FAM184B: variants seen among roughly 807,000 people sequenced by gnomAD.
FAM184B encodes the protein family with sequence similarity 184 member B, also known as protein FAM184B.
FAM184B carries 111 observed loss-of-function variants against 135.9 expected under a neutral mutation model. The ratio of observed to expected loss-of-function variants is 0.82; its 90% CI spans 0.70 to 0.96. The LOEUF (loss-of-function observed/expected upper bound fraction) is 0.96, where lower values mean the gene tolerates loss of function less well. FAM184B is among the 40% of genes least tolerant of loss of function. The probability of loss-of-function intolerance (pLI) is 0.00; values close to 1 mark genes in which losing one functional copy is unlikely to be tolerated. For synonymous variants in FAM184B, 552 were observed against 524.8 expected (o/e 1.05, Z -0.71); for missense variants, 1,375 against 1,323.9 (o/e 1.04, Z -0.60).
chr4:17,689,203 C>A (rs754121745), intron 6 of FAM184B, among the ~76,000 whole-genome samples: 1 of 152,130 alleles, frequency 6.6e-6, no homozygotes, highest in Non-Finnish European at 1.5e-5. Flanking sequence ...AAATGAACAA[C>A]ATTTAAGAAT....
Position 17,642,106 on chromosome 4 carries a change from C to G in FAM184B, c.2469G>C (p.Ala823=). Residue 823 remains alanine (A), a synonymous_variant, in exon 13 of 18, where the codon GCG becomes GCC. Transcript: ENST00000265018. ...QLQDAVRRLR[A]EVEQHQQEAQ... ...CCTCCTGCTGATGCTGCTCCACCTC[C>G]GCGCGCAGCCGCCGCACCGCGTCCT... 2 of 1,532,794 alleles carry G rather than the reference C, an allele frequency of 1.3e-6. No homozygotes were observed. Among genetic ancestry groups the G allele is most frequent in the Non-Finnish European group, 1.7e-6 (2 of 1,145,286 alleles). 94.9% of individuals were successfully genotyped at this position (1,532,794 alleles called of 1,614,324 possible).
chr4:17,724,700 C>A (rs563230666), intron 1 of FAM184B, among the ~76,000 whole-genome samples: 1 of 152,198 alleles, frequency 6.6e-6, no homozygotes, highest in East Asian at 1.9e-4. Flanking sequence ...AGGCACTCTG[C>A]GCTTGCAGAA....
intron 1 of FAM184B, among the ~76,000 whole-genome samples, chr4:17,763,365 C>T (rs1472124181): frequency 6.6e-6 from 1 of 151,988 alleles, no homozygotes; most frequent in African/African-American, 2.4e-5. Context: ...CTGATTAGGT[C>T]TGCTTTCCTG....
intron 1 of FAM184B, among the ~76,000 whole-genome samples, chr4:17,761,940 TCTC>T (rs1311692808): frequency 2.0e-5 from 3 of 152,194 alleles, no homozygotes; most frequent in Non-Finnish European, 4.4e-5. Context: ...AATACCACCT[TCTC>T]CTGCATTTCC....
chr4:17,635,689 C>A (rs552998275), intron 15 of FAM184B, among the ~76,000 whole-genome samples: 17 of 131,890 alleles, frequency 1.3e-4, no homozygotes, highest in East Asian at 4.9e-4. Context: ...AAAAAAAAAA[C>A]CCATGATACC....
rs1560169856 is a variant in FAM184B, at chr4:17,658,629, A to C, written c.1825-67T>G. 3.0e-5 allele frequency: 43 copies of C among 1,441,178 alleles called. No individual in the cohort carries two copies. The South Asian group carries it at 4.1e-4, about 14-fold the overall frequency. 89.3% of individuals were successfully genotyped at this position (1,441,178 alleles called of 1,614,324 possible). ...TTTCCTGGGATGTTTTCTTCAAATA[A>C]AAGCTTTCTAAATGTTACCTCCATG... On this transcript the variant is annotated intron_variant, in intron 9 of 17. Transcript: ENST00000265018.
Position 17,781,303 on chromosome 4 carries a change from T to A in FAM184B, c.-4A>T. The A allele has an allele frequency of 2.0e-6, 3 of 1,529,048 alleles. No individual in the cohort carries two copies. Among genetic ancestry groups the A allele is most frequent in the Non-Finnish European group, 2.6e-6 (3 of 1,132,304 alleles). 94.7% of individuals were successfully genotyped at this position (1,529,048 alleles called of 1,614,324 possible). ...TGCTGTTGAGAGCAGAAGCCATCGCTAAAACGCGCCCAGCACTCAGACTCT... is the reference window on the plus strand; with the variant it reads ...TGCTGTTGAGAGCAGAAGCCATCGCAAAAACGCGCCCAGCACTCAGACTCT... On this transcript the variant is annotated 5_prime_UTR_variant, in exon 1 of 18. Transcript: ENST00000265018. This position sits in a 1 kb window ranked among gnomAD's most constrained non-coding sequence, Gnocchi z 6.5.
At chr4:17,728,377 A>G (rs983996592) in intron 1 of FAM184B, among the ~76,000 whole-genome samples, 5 of 152,104 alleles carry the variant, frequency 3.3e-5, no homozygotes, top group Admixed American at 1.3e-4. Flanking sequence ...ACAGAGCGAG[A>G]CCCTGTCTCT....
At chr4:17,655,595 G>T (rs1411825742) in intron 10 of FAM184B, among the ~76,000 whole-genome samples, 2 of 152,166 alleles carry the variant, frequency 1.3e-5, no homozygotes, top group African/African-American at 4.8e-5. Context: ...CATTCCCAGT[G>T]CTTCCAAATA....
intron 12 of FAM184B, among the ~76,000 whole-genome samples, chr4:17,645,488 A>C (rs1164421542): frequency 6.6e-6 from 1 of 152,224 alleles, no homozygotes; most frequent in Non-Finnish European, 1.5e-5. Flanking sequence ...AGGATCCCCT[A>C]TTTAATAAAT....
At chr4:17,691,860 CTGGCCAACA>C (rs1472532060) in intron 6 of FAM184B, among the ~76,000 whole-genome samples, 2 of 151,956 alleles carry the variant, frequency 1.3e-5, no homozygotes, top group Admixed American at 1.3e-4. Flanking sequence ...TGAGACCATC[CTGGCCAACA>C]TGGTGAAACC....
At chr4:17,639,117 G>A in intron 14 of FAM184B, 133 bp downstream of exon 14, 1 of 868,830 alleles carries the variant, frequency 1.2e-6, no homozygotes, top group African/African-American at 1.7e-5. Flanking sequence ...CCAGGCATGA[G>A]CCACCGTGCC....
intron 5 of FAM184B, among the ~76,000 whole-genome samples, chr4:17,700,094 G>T (rs1357249460): frequency 3.4e-4 from 51 of 152,174 alleles, no homozygotes; most frequent in Admixed American, 3.1e-3. Context: ...GCTAGAAAAT[G>T]GAATACCCCC....
intron 1 of FAM184B, among the ~76,000 whole-genome samples, chr4:17,778,060 G>T (rs1718966353): frequency 6.6e-6 from 1 of 150,644 alleles, no homozygotes; most frequent in African/African-American, 2.4e-5. Flanking sequence ...GACGTAGTGA[G>T]ACACTGTCTC....
intron 1 of FAM184B, among the ~76,000 whole-genome samples, chr4:17,773,550 G>A (rs1461152540): frequency 6.6e-6 from 1 of 152,144 alleles, no homozygotes; most frequent in South Asian, 2.1e-4. Flanking sequence ...CTGGGTTCTC[G>A]AGAGTCAGTC....
chr4:17,763,322 C>T (rs1004429671), intron 1 of FAM184B, among the ~76,000 whole-genome samples: 1 of 151,970 alleles, frequency 6.6e-6, no homozygotes, highest in Non-Finnish European at 1.5e-5. Context: ...CATTAGAATC[C>T]ACCAAAGGGG....
intron 5 of FAM184B, among the ~76,000 whole-genome samples, chr4:17,696,767 C>A (rs367644854): frequency 6.6e-6 from 1 of 151,752 alleles, no homozygotes; most frequent in East Asian, 1.9e-4. Context: ...GAGCCATGAT[C>A]GCATCACTGT....
rs778785791 is a variant in FAM184B, at chr4:17,636,548, CCT to C, written c.2762_2763del (p.Glu921GlyfsTer76). The C allele has an allele frequency of 1.3e-5, 20 of 1,550,814 alleles. No individual in the cohort carries two copies. Among genetic ancestry groups the C allele is most frequent in the African/African-American group, 4.1e-5 (3 of 73,024 alleles). ...GRLQTRLKER[E>X]DIIKQLTEER... is the part of the protein sequence containing the mutation. ...CTCACCGTGAGCTGCTTGATGATGT[CCT>C]CTCTCTCCTTCAGGCGGGTCTGCAG... On this transcript the variant is annotated frameshift_variant, in exon 15 of 18. Transcript: ENST00000265018. LOFTEE classifies it high-confidence loss of function.
intron 14 of FAM184B, among the ~76,000 whole-genome samples, chr4:17,638,180 T>G (rs972605294): frequency 4.8e-5 from 7 of 147,296 alleles, no homozygotes; most frequent in South Asian, 2.2e-4. Flanking sequence ...GGGTCTATTT[T>G]TTTTGTTTTG....
Sources: gnomAD v4.1 joint callset for allele counts (sites outside exome capture counted in the v4.1 genomes callset) on GRCh38, gnomAD v4.1.1 for gene constraint, Gnocchi (gnomAD v3.1) non-coding constraint, MANE v1.5 for transcripts, NCBI Gene and HGNC (gene_info 2026-07-23, HGNC 2026-07-21) for gene names.